The following ZNF608 variants were observed in gnomAD, a reference collection of about 807,000 sequenced individuals.
The protein encoded by ZNF608 is zinc finger protein 608.
In ZNF608, 12 loss-of-function variants were observed where a neutral mutation model predicts 109.0. That is an observed-to-expected ratio of 0.11 (90% CI 0.07 to 0.18). The LOEUF is 0.18. Among genes scored for constraint, ZNF608 ranks in the 10% least tolerant of loss-of-function variants. The pLI is 1.00. For missense variants in ZNF608, 1,707 were observed against 1,879.3 expected, an observed-to-expected ratio of 0.91 and a Z score of 1.70; for synonymous variants, 732 against 717.4, an observed-to-expected ratio of 1.02 and a Z score of -0.33.
chr5:124,667,305 TC>T (rs1411167956), intron 3 of ZNF608, among the ~76,000 whole-genome samples: 1 of 152,164 alleles, frequency 6.6e-6, no homozygotes, highest in Non-Finnish European at 1.5e-5. Flanking sequence ...AAAGCACTGA[TC>T]CCAACTACAT....
rs761069040 is a variant in ZNF608 at position 124,648,088 on chromosome 5, G to T, written c.2296C>A (p.Pro766Thr). Residue 766 changes from proline (P) to threonine (T), a missense_variant, in exon 5 of 10, where the codon CCC becomes ACC. Pro to Thr is a conservative substitution (Grantham distance 38). Coordinates refer to ENST00000513986, the MANE Select transcript of ZNF608 (RefSeq NM_020747.3). ...TFTTTTTGTI[P>T]GLPSLTTTVV... ...GTTGTTGTGAGGGAGGGCAGTCCGG[G>T]TATTGTCCCAGTGGTGGTCGTTGTA... The T allele has an allele frequency of 1.5e-5, 23 of 1,523,804 alleles. No homozygotes were observed. Among genetic ancestry groups the T allele is most frequent in the Non-Finnish European group, 2.0e-5 (22 of 1,126,440 alleles). The allele number at this position is 1,523,804 out of a possible 1,614,324, so 94.4% of individuals were successfully genotyped here. A position where few individuals can be genotyped will look rare whatever the true frequency, so the allele number is the denominator to read the frequency against.
At chr5:124,727,609 TC>T (rs1748667411) in intron 2 of ZNF608, among the ~76,000 whole-genome samples, 1 of 139,134 alleles carries the variant, frequency 7.2e-6, no homozygotes, top group South Asian at 2.4e-4. Flanking sequence ...TTATTGAACT[TC>T]ACTTCTTAGT....
intron 2 of ZNF608, among the ~76,000 whole-genome samples, chr5:124,704,619 G>T (rs1753185585): frequency 6.6e-6 from 1 of 152,056 alleles, no homozygotes; most frequent in Non-Finnish European, 1.5e-5. Flanking sequence ...AATTAGGAAA[G>T]AATTTAAATT....
intron 2 of ZNF608, among the ~76,000 whole-genome samples, chr5:124,723,187 C>T (rs960375576): frequency 2.0e-5 from 3 of 152,068 alleles, no homozygotes; most frequent in Admixed American, 2.0e-4. Context: ...CGCGACACCA[C>T]TCCCAGCTAC....
chr5:124,747,281 C>T (rs1203368478), upstream of ZNF608, among the ~76,000 whole-genome samples: 2 of 151,582 alleles, frequency 1.3e-5, no homozygotes, highest in Non-Finnish European at 2.9e-5. Context: ...TCGCCCAGCC[C>T]CTCCTGTGTT....
Position 124,646,233 on chromosome 5 carries a change from T to C in ZNF608, c.3705+446A>G, listed in dbSNP as rs183219730. 7.2e-5 allele frequency among the ~76,000 whole-genome samples: 11 copies of C among 152,204 alleles called. No individual in the cohort carries two copies. The East Asian group carries it at 7.7e-4, about 11-fold the overall frequency. On this transcript the variant is annotated intron_variant, in intron 5 of 9. Transcript: ENST00000513986. ...AAAATTAGCCGGGCATGGTGGCACG[T>C]GCCTGTAGTCCCAGCTACTCAGGAG...
intron 3 of ZNF608, among the ~76,000 whole-genome samples, chr5:124,662,815 A>ACACACACACACACAGACACACACACT (rs1561544707): frequency 3.3e-5 from 5 of 151,572 alleles, no homozygotes; most frequent in African/African-American, 1.2e-4. Flanking sequence ...ACACACAGAC[A>ACACACACACACACAGACACACACACT]CACACACACA....
intron 3 of ZNF608, among the ~76,000 whole-genome samples, chr5:124,659,765 T>C (rs1184404259): frequency 1.3e-5 from 2 of 152,184 alleles, no homozygotes; most frequent in East Asian, 1.9e-4. Context: ...AAGTAATTTC[T>C]TACCATCCCC....
chr5:124,671,208 T>C (rs529355044), intron 3 of ZNF608, among the ~76,000 whole-genome samples: 38 of 152,252 alleles, frequency 2.5e-4, no homozygotes, highest in African/African-American at 8.4e-4. Context: ...GTCCTGATTA[T>C]AAACTAAGTA....
In ZNF608 at chr5:124,637,319, A is replaced by G. The variant is rs1750022883; in HGVS notation, c.*581T>C. The stretch of plus-strand genomic sequence containing the variant: ...AAAAGTACTTTTTCCACAATACACA[A>G]GTACAAACAGTGACTACAGGAACAT... On this transcript the variant is annotated 3_prime_UTR_variant, in exon 10 of 10. Coordinates refer to ENST00000513986, the MANE Select transcript of ZNF608 (RefSeq NM_020747.3). 1 of 152,626 alleles carries G rather than the reference A, an allele frequency of 6.6e-6. No individual in the cohort carries two copies. Among genetic ancestry groups the G allele is most frequent in the African/African-American group, 2.4e-5 (1 of 41,440 alleles). 9.5% of individuals were successfully genotyped at this position (152,626 alleles called of 1,614,324 possible).
chr5:124,707,856 CA>C (rs1439584881), intron 2 of ZNF608: 1 of 152,236 alleles, frequency 6.6e-6, no homozygotes, highest in Admixed American at 6.5e-5. Flanking sequence ...CCCTAAAGGA[CA>C]AACCTGTAAC....
Position 124,744,727 on chromosome 5 carries a change from A to G in ZNF608, c.263T>C (p.Val88Ala). 6.2e-7 allele frequency: 1 copy of G among 1,614,168 alleles called. No individual in the cohort carries two copies. The highest frequency in any genetic ancestry group is 1.1e-5 in the South Asian group (1 of 91,074). Residue 88 changes from valine to alanine, a missense_variant, in exon 2 of 10, where the codon GTT (valine) becomes GCT (alanine). Physicochemically the swap from Val to Ala is moderately conservative, Grantham distance 64. Around this residue, in one of 7 missense-constraint regions of ZNF608, gnomAD observed 407 missense variants for 398.7 expected, o/e 1.02. Coordinates refer to ENST00000513986, the MANE Select transcript of ZNF608 (RefSeq NM_020747.3). The surrounding 1 kb of genome is among the most constrained non-coding windows in gnomAD (Gnocchi z 4.5). ...ATTCCCCTGGGGAGCAGAGGCCTGA[A>G]CAGAAGCAAATTTTAGGCCATCAGC... ...ALADGLKFAS[V>A]QASAPQGNSH...
intron 3 of ZNF608, among the ~76,000 whole-genome samples, chr5:124,655,518 G>T (rs894930901): frequency 3.9e-5 from 6 of 152,050 alleles, no homozygotes. Flanking sequence ...ACACCAAATG[G>T]TAACCCATTC....
intron 3 of ZNF608, among the ~76,000 whole-genome samples, chr5:124,690,479 A>C (rs182475005): frequency 6.6e-6 from 1 of 152,330 alleles, no homozygotes; most frequent in East Asian, 1.9e-4. Context: ...GGCAAGGGAT[A>C]TATGGGAAAT....
At chr5:124,698,765 C>A (rs1752940323) in intron 3 of ZNF608, among the ~76,000 whole-genome samples, 1 of 152,196 alleles carries the variant, frequency 6.6e-6, no homozygotes, top group Non-Finnish European at 1.5e-5. Context: ...AGTTTTTAAA[C>A]CCAGATTTTT....
intron 3 of ZNF608, 93 bp from the exon 4 acceptor site, chr5:124,649,790 G>T: frequency 1.3e-6 from 1 of 752,556 alleles, no homozygotes; most frequent in Non-Finnish European, 1.9e-6. Context: ...TTTTTTGCCA[G>T]CAAGTTCTAT....
chr5:124,644,367 A>G lies in ZNF608; in HGVS notation c.4000T>C (p.Ser1334Pro). 1.9e-6 allele frequency: 3 copies of G among 1,614,152 alleles called. No homozygotes were observed. The highest frequency in any genetic ancestry group is 2.5e-6 in the Non-Finnish European group (3 of 1,180,020). ...DSRGTRVAVS[S>P]PMSQHQSYIQ... is the part of the protein sequence containing the mutation. The stretch of plus-strand genomic sequence containing the variant: ...TATGACTGATGCTGACTCATGGGTG[A>G]GGAGACAGCCACTCTTGTTCCCCGA... Residue 1334 changes from serine to proline, a missense_variant, in exon 6 of 10, where the codon TCA (serine) becomes CCA (proline). By Grantham distance (74) the Ser-to-Pro change is moderately conservative. Coordinates refer to ENST00000513986, the MANE Select transcript of ZNF608 (RefSeq NM_020747.3).
At chr5:124,742,776 G>A (rs1749467100) in intron 2 of ZNF608, among the ~76,000 whole-genome samples, 1 of 151,882 alleles carries the variant, frequency 6.6e-6, no homozygotes, top group African/African-American at 2.4e-5. Flanking sequence ...ACAAAAACAA[G>A]AATATAAAAG....
intron 3 of ZNF608, among the ~76,000 whole-genome samples, chr5:124,694,911 A>G (rs1752785501): frequency 6.6e-6 from 1 of 152,202 alleles, no homozygotes; most frequent in African/African-American, 2.4e-5. Flanking sequence ...TGGCCCAGGA[A>G]GCCGAGGGGA....
Sources: gnomAD v4.1 joint callset for allele counts (sites outside exome capture counted in the v4.1 genomes callset) on GRCh38, gnomAD v4.1.1 for gene constraint, gnomAD v4.1.1 regional missense constraint, Gnocchi (gnomAD v3.1) non-coding constraint, MANE v1.5 for transcripts, NCBI Gene and HGNC (gene_info 2026-07-23, HGNC 2026-07-21) for gene names.